CA10: variants seen among roughly 807,000 people sequenced by gnomAD.
CA10 encodes the protein carbonic anhydrase 10 (inactive), also known as carbonic anhydrase-related protein 10.
In CA10, 14 loss-of-function variants were observed where a neutral mutation model predicts 44.2. The observed-to-expected ratio is 0.32, with a 90% CI of 0.21 to 0.50. The LOEUF (loss-of-function observed/expected upper bound fraction) is 0.50, where lower values mean the gene tolerates loss of function less well. CA10 is among the 20% of genes least tolerant of loss of function. CA10 has a pLI of 0.99. For missense variants in CA10, 350 were observed against 409.7 expected (o/e 0.85, Z 1.26); for synonymous variants, 159 against 141.6 (o/e 1.12, Z -0.87).
rs530816335 is a variant in CA10, at chr17:52,019,783, T to C, written c.136+52536A>G. ...TTGTAATTTCCAATGTAATTGCTTC[T>C]TTGATCCATGGGTTATTTAGAAATA... On this transcript the variant is annotated intron_variant, in intron 2 of 8. Coordinates refer to ENST00000451037, the MANE Select transcript of CA10 (RefSeq NM_020178.5). 5.3e-5 allele frequency among the ~76,000 whole-genome samples: 8 copies of C among 152,190 alleles called. 1 individual carries two copies. In the South Asian group the frequency reaches 1.7e-3, roughly 32 times the overall value.
intron 4 of CA10, among the ~76,000 whole-genome samples, chr17:51,681,482 G>T (rs1294679945): frequency 6.6e-6 from 1 of 152,158 alleles, no homozygotes; most frequent in Non-Finnish European, 1.5e-5. Context: ...GGGCTGGATA[G>T]TTCTTTGTTG....
At chr17:52,077,871 A>G (rs2143158712) in intron 1 of CA10, among the ~76,000 whole-genome samples, 1 of 152,332 alleles carries the variant, frequency 6.6e-6, no homozygotes, top group African/African-American at 2.4e-5. Context: ...CCTACAACCC[A>G]TGCTGGGTTT....
chr17:51,652,296 A>T (rs1913604286), intron 5 of CA10, among the ~76,000 whole-genome samples: 2 of 152,256 alleles, frequency 1.3e-5, no homozygotes, highest in Middle Eastern at 3.2e-3. Context: ...TAGATGTAAA[A>T]TACATATCAT....
intron 3 of CA10, among the ~76,000 whole-genome samples, chr17:51,917,975 A>G (rs1982070739): frequency 6.6e-6 from 1 of 152,172 alleles, no homozygotes; most frequent in Non-Finnish European, 1.5e-5. Flanking sequence ...AATTATTTGC[A>G]TAAGAATTCT....
intron 8 of CA10, among the ~76,000 whole-genome samples, chr17:51,632,811 AGAAGG>A (rs1426393528): frequency 6.6e-6 from 1 of 152,212 alleles, no homozygotes; most frequent in African/African-American, 2.4e-5. Flanking sequence ...AGTAGTAAGC[AGAAGG>A]GAAGAGAGAG....
chr17:51,961,004 G>T (rs903312056), intron 2 of CA10, among the ~76,000 whole-genome samples: 3 of 152,200 alleles, frequency 2.0e-5, no homozygotes, highest in Non-Finnish European at 4.4e-5. Context: ...GTTAAGAGCA[G>T]AACTGAGGCT....
intron 3 of CA10, among the ~76,000 whole-genome samples, chr17:51,922,164 CT>C (rs1379728493): frequency 6.6e-6 from 1 of 152,180 alleles, no homozygotes; most frequent in Non-Finnish European, 1.5e-5. Flanking sequence ...CACCACCACC[CT>C]GCAAGGAAGG....
chr17:51,897,931 G>A (rs1199955799), intron 3 of CA10, among the ~76,000 whole-genome samples: 1 of 152,094 alleles, frequency 6.6e-6, no homozygotes, highest in African/African-American at 2.4e-5. Flanking sequence ...ATGAAACTCT[G>A]CTGAAGTTGT....
intron 2 of CA10, among the ~76,000 whole-genome samples, chr17:52,059,014 G>A (rs918799554): frequency 3.3e-5 from 5 of 152,066 alleles, no homozygotes; most frequent in Non-Finnish European, 5.9e-5. Flanking sequence ...TTGGGGAAAA[G>A]AAATAACAAA....
chr17:51,691,590 C>T (rs1310607892), intron 4 of CA10, among the ~76,000 whole-genome samples: 1 of 138,916 alleles, frequency 7.2e-6, no homozygotes, highest in African/African-American at 3.5e-5. Flanking sequence ...GTCCCATTTG[C>T]TTTTGTTGCT....
chr17:52,031,155 C>CTTTT (rs71149390), intron 2 of CA10, among the ~76,000 whole-genome samples: 70 of 143,232 alleles, frequency 4.9e-4, no homozygotes, highest in Middle Eastern at 3.7e-3. Flanking sequence ...GACTTCAACT[C>CTTTT]TTTTTTTTTT....
rs1007609327 is a variant in CA10 at position 51,716,449 on chromosome 17, G to A, written c.465+31184C>T. On this transcript the variant is annotated intron_variant, in intron 4 of 8. Coordinates refer to ENST00000451037, the MANE Select transcript of CA10 (RefSeq NM_020178.5). The stretch of plus-strand genomic sequence containing the variant: ...TGGTTCTCTCCCCTTTTTTGGCCTC[G>A]AAAAATGATATTTATTCAGAGAAAA... Among the ~76,000 whole-genome samples, 15 of 151,812 alleles carry A rather than the reference G, an allele frequency of 9.9e-5. 1 individual carries two copies. The South Asian group carries it at 1.0e-3, about 11-fold the overall frequency.
At chr17:52,123,906 C>T (rs901071396) in intron 1 of CA10, among the ~76,000 whole-genome samples, 2 of 152,104 alleles carry the variant, frequency 1.3e-5, no homozygotes, top group Admixed American at 6.6e-5. Context: ...TAGGAGCAGA[C>T]CCTTGGGACC....
chr17:51,854,927 G>C (rs976013600), intron 3 of CA10, among the ~76,000 whole-genome samples: 1 of 152,170 alleles, frequency 6.6e-6, no homozygotes, highest in African/African-American at 2.4e-5. Context: ...CAATTTCACA[G>C]AGGAGAAAAT....
At chr17:52,079,141 C>T (rs1987896162) in intron 1 of CA10, among the ~76,000 whole-genome samples, 1 of 152,126 alleles carries the variant, frequency 6.6e-6, no homozygotes, top group Admixed American at 6.5e-5. Flanking sequence ...AAAAAATTAG[C>T]CGGGCGCTGT....
At chr17:51,692,642 G>A (rs1036489331) in intron 4 of CA10, among the ~76,000 whole-genome samples, 1 of 152,092 alleles carries the variant, frequency 6.6e-6, no homozygotes, top group Non-Finnish European at 1.5e-5. Flanking sequence ...GTTTATCAAT[G>A]AATAGTATTT....
At chr17:51,840,463 A>C (rs1978310100) in intron 3 of CA10, among the ~76,000 whole-genome samples, 1 of 144,548 alleles carries the variant, frequency 6.9e-6, no homozygotes, top group Non-Finnish European at 1.5e-5. Flanking sequence ...CTCTGAACTC[A>C]ATCCCAACCT....
At chr17:51,873,158 G>T (rs1197353410) in intron 3 of CA10, among the ~76,000 whole-genome samples, 2 of 152,092 alleles carry the variant, frequency 1.3e-5, no homozygotes, top group African/African-American at 4.8e-5. Context: ...CCTGCAAAGT[G>T]GGGACCATAA....
intron 3 of CA10, among the ~76,000 whole-genome samples, chr17:51,854,511 C>G (rs2143829197): frequency 6.6e-6 from 1 of 152,188 alleles, no homozygotes; most frequent in South Asian, 2.1e-4. Flanking sequence ...TGGGTAGCTC[C>G]CCTTTAGTCT....
Sources: allele counts gnomAD v4.1 joint callset (sites outside exome capture counted in the v4.1 genomes callset), GRCh38; gene constraint gnomAD v4.1.1; transcripts MANE v1.5; gene names NCBI Gene and HGNC (gene_info 2026-07-23, HGNC 2026-07-21).